The following GPR137C variants were observed in gnomAD, a reference collection of about 807,000 sequenced individuals.
GPR137C encodes the protein G protein-coupled receptor 137C, also known as integral membrane protein GPR137C.
GPR137C carries 27 observed loss-of-function variants against 43.4 expected under a neutral mutation model. The ratio of observed to expected loss-of-function variants is 0.62; its 90% CI spans 0.46 to 0.86. The LOEUF (loss-of-function observed/expected upper bound fraction) is 0.86, where lower values mean the gene tolerates loss of function less well. Ranked by LOEUF, GPR137C falls within the 40% of genes least tolerant of loss-of-function variation. The pLI is 0.00. For missense variants in GPR137C, 522 were observed against 534.6 expected, an observed-to-expected ratio of 0.98 and a Z score of 0.23; for synonymous variants, 285 against 226.9, an observed-to-expected ratio of 1.26 and a Z score of -2.30.
chr14:52,561,955 GTGTAT>G (rs1240486304), intron 1 of GPR137C, among the ~76,000 whole-genome samples: 1 of 152,132 alleles, frequency 6.6e-6, no homozygotes, highest in Non-Finnish European at 1.5e-5. Flanking sequence ...AATGCATGCA[GTGTAT>G]TGTATATAAA....
rs12434612 is a variant in GPR137C, at chr14:52,598,454, A to G, written c.488+139A>G. The G allele has an allele frequency of 2.7e-3, 1,173 of 428,988 alleles. 26 individuals are homozygous for G. In the Admixed American group the frequency reaches 0.043, roughly 16 times the overall value. The allele number at this position is 428,988 out of a possible 1,614,324, so 26.6% of individuals were successfully genotyped here. ...GTAGAAGGGAGTGGTTGTTGAGGGCACCTTCACAGTTTTATAGAAAACCAA... is the reference window on the plus strand; with the variant it reads ...GTAGAAGGGAGTGGTTGTTGAGGGCGCCTTCACAGTTTTATAGAAAACCAA... On this transcript the variant is annotated intron_variant, in intron 2 of 6. Transcript: ENST00000321662.
intron 1 of GPR137C, among the ~76,000 whole-genome samples, chr14:52,576,881 A>C (rs2038560508): frequency 6.6e-6 from 1 of 152,120 alleles, no homozygotes; most frequent in East Asian, 1.9e-4. Context: ...ACCAGTACCA[A>C]CAGGAACTCT....
At chr14:52,587,930 T>C (rs768696233) in intron 1 of GPR137C, among the ~76,000 whole-genome samples, 3 of 152,210 alleles carry the variant, frequency 2.0e-5, no homozygotes, top group Non-Finnish European at 4.4e-5. Flanking sequence ...TCAGATGTAC[T>C]TTTTTAAAAG....
intron 3 of GPR137C, among the ~76,000 whole-genome samples, chr14:52,609,870 T>C (rs541266584): frequency 2.0e-5 from 3 of 152,226 alleles, no homozygotes; most frequent in African/African-American, 4.8e-5. Flanking sequence ...TTCAATGGCA[T>C]GTAAGACCTG....
At chr14:52,598,687 C>G (rs2038886955) in intron 2 of GPR137C, among the ~76,000 whole-genome samples, 1 of 152,114 alleles carries the variant, frequency 6.6e-6, no homozygotes, top group African/African-American at 2.4e-5. Context: ...CAGTACTGAT[C>G]AATCTCAATA....
At chr14:52,580,856 A>C (rs2038634610) in intron 1 of GPR137C, among the ~76,000 whole-genome samples, 4 of 147,544 alleles carry the variant, frequency 2.7e-5, no homozygotes, top group Admixed American at 6.8e-5. Flanking sequence ...TAAATATATA[A>C]ATATATATTT....
chr14:52,629,281 A>C (rs1002223700), intron 3 of GPR137C, among the ~76,000 whole-genome samples: 5 of 152,216 alleles, frequency 3.3e-5, no homozygotes, highest in African/African-American at 1.2e-4. Flanking sequence ...AGTTACCCAA[A>C]AGAGGTGAAA....
chr14:52,566,692 T>C (rs1485253254), intron 1 of GPR137C, among the ~76,000 whole-genome samples: 1 of 152,202 alleles, frequency 6.6e-6, no homozygotes, highest in African/African-American at 2.4e-5. Flanking sequence ...CTAGGAGCAT[T>C]ATACATACGT....
intron 1 of GPR137C, among the ~76,000 whole-genome samples, chr14:52,580,887 C>CAT (rs1324374315): frequency 6.9e-6 from 1 of 145,300 alleles, no homozygotes; most frequent in Non-Finnish European, 1.5e-5. Context: ...AAAATATATA[C>CAT]ATATATATTT....
rs1309542475 is a variant in GPR137C, at chr14:52,637,439, A to G, written c.*2324A>G. 1 of 152,166 alleles carries G rather than the reference A, an allele frequency of 6.6e-6. No homozygotes were observed. The highest frequency in any genetic ancestry group is 1.5e-5 in the Non-Finnish European group (1 of 68,016). 9.4% of individuals were successfully genotyped at this position (152,166 alleles called of 1,614,324 possible). A position where few individuals can be genotyped will look rare whatever the true frequency, so the allele number is the denominator to read the frequency against. On this transcript the variant is annotated 3_prime_UTR_variant, in exon 7 of 7. Coordinates refer to ENST00000321662, the MANE Select transcript of GPR137C (RefSeq NM_001099652.2). ...GTGTAATTCTATAGTGATTAGCAGTATTTGTTTTCATCATTTCACTTGGGT... is the reference window on the plus strand; with the variant it reads ...GTGTAATTCTATAGTGATTAGCAGTGTTTGTTTTCATCATTTCACTTGGGT...
chr14:52,580,808 TTATTTA>T (rs1244511701), intron 1 of GPR137C, among the ~76,000 whole-genome samples: 3 of 111,002 alleles, frequency 2.7e-5, no homozygotes, highest in African/African-American at 9.6e-5. Flanking sequence ...TATTTATATA[TTATTTA>T]TATTTATATA....
rs1292367894 is a variant in GPR137C at position 52,552,948 on chromosome 14, G to C, written c.-200G>C. 6.6e-6 allele frequency among the ~76,000 whole-genome samples: 1 copy of C among 151,806 alleles called. No individual in the cohort carries two copies. Among genetic ancestry groups the C allele is most frequent in the Non-Finnish European group, 1.5e-5 (1 of 67,892 alleles). On this transcript the variant is annotated 5_prime_UTR_variant, in exon 1 of 7. Transcript: ENST00000321662. Reference sequence around the variant, plus strand: ...GCAGCAGGAGGAGCCGAGACCCCCGGGGGGTGGGGGGAAAGAGGAGGCGGG... The same window carrying C: ...GCAGCAGGAGGAGCCGAGACCCCCGCGGGGTGGGGGGAAAGAGGAGGCGGG...
At chr14:52,626,450 A>G (rs1455305749) in intron 3 of GPR137C, among the ~76,000 whole-genome samples, 1 of 151,782 alleles carries the variant, frequency 6.6e-6, no homozygotes, top group Non-Finnish European at 1.5e-5. Context: ...GGTACCCTTC[A>G]TGATTAAAAA....
chr14:52,553,312 G>A lies in GPR137C; in HGVS notation c.165G>A (p.Leu55=). Reference sequence around the variant, plus strand: ...TGGCGCTGAGCGTCCTGCACGCCCTGCTCTACGCCGCGCTGTTCGCCTTTG... The same window carrying A: ...TGGCGCTGAGCGTCCTGCACGCCCTACTCTACGCCGCGCTGTTCGCCTTTG... ...VQLALSVLHA[L]LYAALFAFAY... Residue 55 remains leucine, a synonymous_variant, in exon 1 of 7, where the codon CTG becomes CTA. Coordinates refer to ENST00000321662, the MANE Select transcript of GPR137C (RefSeq NM_001099652.2). 6.3e-7 allele frequency: 1 copy of A among 1,578,050 alleles called. No homozygotes were observed. Among genetic ancestry groups the A allele is most frequent in the Non-Finnish European group, 8.6e-7 (1 of 1,168,362 alleles).
intron 4 of GPR137C, among the ~76,000 whole-genome samples, chr14:52,632,749 A>C (rs888412603): frequency 6.6e-6 from 1 of 152,060 alleles, no homozygotes; most frequent in Non-Finnish European, 1.5e-5. Flanking sequence ...AATGGCTTTC[A>C]TAAAAATCTG....
At chr14:52,603,001 T>C (rs1259861974) in intron 3 of GPR137C, among the ~76,000 whole-genome samples, 3 of 152,192 alleles carry the variant, frequency 2.0e-5, no homozygotes, top group Non-Finnish European at 2.9e-5. Context: ...ATATAATAAA[T>C]TGTTATTAAC....
intron 3 of GPR137C, among the ~76,000 whole-genome samples, chr14:52,610,730 G>C (rs1237627278): frequency 6.6e-6 from 1 of 152,156 alleles, no homozygotes; most frequent in Non-Finnish European, 1.5e-5. Context: ...TTCTATGCTT[G>C]CATATAGTCT....
chr14:52,597,669 A>G (rs1000318072), intron 1 of GPR137C, among the ~76,000 whole-genome samples: 23 of 152,190 alleles, frequency 1.5e-4, no homozygotes, highest in African/African-American at 4.6e-4. Context: ...CCTTAATACT[A>G]TGTTCGCAGA....
intron 3 of GPR137C, among the ~76,000 whole-genome samples, chr14:52,614,106 G>A (rs1426719216): frequency 6.6e-6 from 1 of 151,558 alleles, no homozygotes; most frequent in Non-Finnish European, 1.5e-5. Flanking sequence ...GATGTTAAAT[G>A]ATGTTGAGCA....
Sources: allele counts gnomAD v4.1 joint callset (sites outside exome capture counted in the v4.1 genomes callset), GRCh38; gene constraint gnomAD v4.1.1; transcripts MANE v1.5; gene names NCBI Gene and HGNC (gene_info 2026-07-23, HGNC 2026-07-21).